The following NDUFS2 variants were observed in gnomAD, a reference collection of about 807,000 sequenced individuals.
The protein encoded by NDUFS2 is NADH dehydrogenase [ubiquinone] iron-sulfur protein 2, mitochondrial.
Under a neutral mutation model 69.6 loss-of-function variants are expected in NDUFS2, and 38 were observed. The observed-to-expected ratio is 0.55, with a 90% CI of 0.42 to 0.72. NDUFS2 has a LOEUF of 0.72. Ranked by LOEUF, NDUFS2 falls within the 30% of genes least tolerant of loss-of-function variation. NDUFS2 has a pLI of 0.00. For missense variants in NDUFS2, 468 were observed against 595.0 expected (o/e 0.79, Z 2.22); for synonymous variants, 194 against 211.2 (o/e 0.92, Z 0.70).
At chr1:161,208,529 A>C (rs1665601419) in intron 3 of NDUFS2, among the ~76,000 whole-genome samples, 1 of 151,932 alleles carries the variant, frequency 6.6e-6, no homozygotes, top group South Asian at 2.1e-4. Context: ...CAAACTCCTG[A>C]CCTCAGGTGA....
chr1:161,204,577 T>C (rs1294629617), intron 2 of NDUFS2, among the ~76,000 whole-genome samples: 2 of 152,216 alleles, frequency 1.3e-5, no homozygotes, highest in East Asian at 3.8e-4. Flanking sequence ...AAACATTATT[T>C]TACCATGTTA....
chr1:161,203,526 AG>A lies in NDUFS2; in HGVS notation c.186del (p.Lys62AsnfsTer16), dbSNP rs1309248540. On this transcript the variant is annotated frameshift_variant, in exon 2 of 14. Transcript: ENST00000676972. LOFTEE classifies it high-confidence loss of function. ...CCAAGCAAAGAAACAGCCCACTGGA[AG>A]CCTCCACCTTGGAATGGTGAGTGAC... The part of the protein sequence containing the change: ...MYPSKETAHW[K>X]PPPWNDVDPP... 1 of 1,613,718 alleles carries A rather than the reference AG, an allele frequency of 6.2e-7. No individual in the cohort carries two copies. The highest frequency in any genetic ancestry group is 1.7e-5 in the Admixed American group (1 of 60,010).
At chr1:161,202,203 C>G (rs905948794), upstream of NDUFS2, 3 of 662,904 alleles carry the variant, frequency 4.5e-6, no homozygotes, top group Admixed American at 4.4e-5. Context: ...ACCGCGGTCA[C>G]TGTTATCTAA....
At chr1:161,200,544 C>T (rs186722270), upstream of NDUFS2, among the ~76,000 whole-genome samples, 13 of 152,176 alleles carry the variant, frequency 8.5e-5, no homozygotes, top group Admixed American at 5.9e-4. Context: ...ATATCATATC[C>T]GTCAGAATAC....
intron 1 of NDUFS2, 94 bp downstream of exon 1, chr1:161,202,574 C>A: frequency 8.0e-7 from 1 of 1,255,736 alleles, no homozygotes; most frequent in African/African-American, 1.5e-5. Context: ...ATAACCCAAG[C>A]CTGTGACCCC....
At chr1:161,212,137 C>T (rs1665804036) in intron 9 of NDUFS2, among the ~76,000 whole-genome samples, 2 of 149,820 alleles carry the variant, frequency 1.3e-5, no homozygotes, top group South Asian at 2.1e-4. Context: ...CCCCAGAGTT[C>T]GAGGCTGCAG....
At chr1:161,210,859 A>G in intron 9 of NDUFS2, 149 bp downstream of exon 9, 2 of 1,208,964 alleles carry the variant, frequency 1.7e-6, no homozygotes, top group Non-Finnish European at 1.2e-6. Flanking sequence ...ACACTTTCAC[A>G]TATATGGAAT....
At chr1:161,201,553 T>A (rs1188058097), upstream of NDUFS2, among the ~76,000 whole-genome samples, 1 of 152,238 alleles carries the variant, frequency 6.6e-6, no homozygotes, top group African/African-American at 2.4e-5. Context: ...TTCCGTGCTG[T>A]TGGCCATTAC....
intron 3 of NDUFS2, among the ~76,000 whole-genome samples, chr1:161,208,654 A>G (rs1307216385): frequency 6.6e-6 from 1 of 152,232 alleles, no homozygotes; most frequent in Non-Finnish European, 1.5e-5. Context: ...GCAAGAGTGC[A>G]GTTGTTAAAT....
Position 161,208,499 on chromosome 1 carries a change from C to T in NDUFS2, c.394-694C>T, listed in dbSNP as rs192332101. On this transcript the variant is annotated intron_variant, in intron 3 of 13. Transcript: ENST00000676972. ...ATTTTTAGTAGAGAAGGGGTTTCTC[C>T]ATGTTGGTCAGGCTGGTCTCAAACT... Among the ~76,000 whole-genome samples the T allele has an allele frequency of 4.6e-5, 7 of 152,250 alleles. No homozygotes were observed. In the East Asian group the frequency reaches 1.4e-3, roughly 29 times the overall value.
At chr1:161,206,623 T>G in intron 3 of NDUFS2, 26 bp downstream of exon 3, 1 of 1,610,380 alleles carries the variant, frequency 6.2e-7, no homozygotes, top group Middle Eastern at 2.2e-4. Flanking sequence ...AGGAGCCTTT[T>G]GGCGGGATCT....
chr1:161,203,502 C>T lies in NDUFS2; in HGVS notation c.161C>T (p.Pro54Leu). Reference sequence around the variant, plus strand: ...CAGTTTGGGGGAGCTGTTATGTACCCAAGCAAAGAAACAGCCCACTGGAAG... The same window carrying T: ...CAGTTTGGGGGAGCTGTTATGTACCTAAGCAAAGAAACAGCCCACTGGAAG... ...AQQFGGAVMY[P>L]SKETAHWKPP... Residue 54 changes from proline to leucine, a missense_variant, in exon 2 of 14, where the codon CCA (proline) becomes CTA (leucine). Pro to Leu is a moderately conservative substitution (Grantham distance 98). Around this residue, in one of 3 missense-constraint regions of NDUFS2, gnomAD observed 339 missense variants for 433.8 expected, o/e 0.78. Transcript: ENST00000676972. 1 of 1,614,044 alleles carries T rather than the reference C, an allele frequency of 6.2e-7. No individual in the cohort carries two copies.
At chr1:161,204,912 G>A (rs771544240) in intron 2 of NDUFS2, among the ~76,000 whole-genome samples, 4 of 152,086 alleles carry the variant, frequency 2.6e-5, no homozygotes, top group East Asian at 1.9e-4. Flanking sequence ...TTAGCCAGGC[G>A]TGGTGGCACG....
At chr1:161,203,324 A>T (rs1314468884) in intron 1 of NDUFS2, 113 bp from the exon 2 acceptor site, 51 of 921,080 alleles carry the variant, frequency 5.5e-5, no homozygotes, top group Non-Finnish European at 1.8e-6. Context: ...ACAAAAAACA[A>T]AACAAAACAA....
intron 2 of NDUFS2, 100 bp downstream of exon 2, chr1:161,203,643 T>C (rs1665286018): frequency 1.0e-6 from 1 of 1,004,194 alleles, no homozygotes; most frequent in Admixed American, 2.0e-5. Flanking sequence ...TCTCCCTGGC[T>C]GGAGTGCAGT....
At chr1:161,207,082 A>G (rs1665507486) in intron 3 of NDUFS2, among the ~76,000 whole-genome samples, 1 of 152,234 alleles carries the variant, frequency 6.6e-6, no homozygotes, top group Non-Finnish European at 1.5e-5. Flanking sequence ...GTATAACCCA[A>G]ATGATGAAGG....
rs779496625 is a variant in NDUFS2, at chr1:161,209,603, T to C, written c.627+8T>C. 1.3e-5 allele frequency: 21 copies of C among 1,598,690 alleles called. No homozygotes were observed. Among genetic ancestry groups the C allele is most frequent in the East Asian group, 4.5e-5 (2 of 44,712 alleles). ...TTTGAAGAAAGGGAGAAGGTAAGAG[T>C]GGGAGGAAAGGATAGGAATAGGGAA... On this transcript the variant is annotated splice_region_variant and intron_variant, in intron 5 of 13. Coordinates refer to ENST00000676972, the MANE Select transcript of NDUFS2 (RefSeq NM_001377299.1).
chr1:161,202,486 A>C lies in NDUFS2; in HGVS notation c.95+6A>C. The C allele has an allele frequency of 6.2e-7, 1 of 1,608,610 alleles. No homozygotes were observed. The highest frequency in any genetic ancestry group is 8.5e-7 in the Non-Finnish European group (1 of 1,178,028). ...TTGCCGATTCAGCCCAGCAGGTGAGATCGAGGGCAGCTCTCGACACACTTT... is the reference window on the plus strand; with the variant it reads ...TTGCCGATTCAGCCCAGCAGGTGAGCTCGAGGGCAGCTCTCGACACACTTT... On this transcript the variant is annotated splice_donor_region_variant and intron_variant, in intron 1 of 13. Transcript: ENST00000676972.
At chr1:161,202,327 A>G, upstream of NDUFS2, 2 of 1,530,832 alleles carry the variant, frequency 1.3e-6, no homozygotes, top group South Asian at 1.2e-5. Flanking sequence ...GCCAAGAAGG[A>G]GGCGCGCTGG....
Sources: gnomAD v4.1 joint callset for allele counts (sites outside exome capture counted in the v4.1 genomes callset) on GRCh38, gnomAD v4.1.1 for gene constraint, gnomAD v4.1.1 regional missense constraint, MANE v1.5 for transcripts, NCBI Gene and HGNC (gene_info 2026-07-23, HGNC 2026-07-21) for gene names.